Variants in C1QTNF3 observed in about 807,000 individuals in gnomAD.
C1QTNF3 encodes the protein C1q and TNF related 3.
A neutral mutation model predicts 32.6 loss-of-function variants in C1QTNF3; 26 were observed. The observed-to-expected ratio is 0.80, with a 90% confidence interval of 0.58 to 1.11. The LOEUF is 1.11. C1QTNF3 is among the 50% of genes least tolerant of loss of function. The pLI, the probability that C1QTNF3 is intolerant of heterozygous loss-of-function variation, is 0.00. For missense variants in C1QTNF3, 362 were observed against 398.2 expected, an observed-to-expected ratio of 0.91 and a Z score of 0.77; for synonymous variants, 155 against 146.0, an observed-to-expected ratio of 1.06 and a Z score of -0.44.
chr5:34,142,011 G>A, the C1QTNF3 span, among the ~76,000 whole-genome samples: 1 of 152,084 alleles, frequency 6.6e-6, no homozygotes, highest in African/African-American at 2.4e-5. Context: ...GAATAGGTGG[G>A]GATTGATGGG....
intron 4 of C1QTNF3, among the ~76,000 whole-genome samples, chr5:34,025,173 A>G (rs1398786014): frequency 1.3e-5 from 2 of 152,224 alleles, no homozygotes; most frequent in African/African-American, 2.4e-5. Context: ...ATTGGCCCAC[A>G]GAGGAAAAGT....
chr5:34,158,325 T>C, the C1QTNF3 span: 1 of 152,158 alleles, frequency 6.6e-6, no homozygotes, highest in South Asian at 2.1e-4. Context: ...TGGGCTGGTC[T>C]TCAGCTCCTG....
intron 3 of C1QTNF3, among the ~76,000 whole-genome samples, chr5:34,031,295 G>C (rs1754607664): frequency 6.6e-6 from 1 of 152,130 alleles, no homozygotes; most frequent in South Asian, 2.1e-4. Context: ...TGATTGTATT[G>C]TGATTTTAGG....
At chr5:34,228,726 T>C in the C1QTNF3 span, among the ~76,000 whole-genome samples, 2 of 152,076 alleles carry the variant, frequency 1.3e-5, no homozygotes, top group Admixed American at 1.3e-4. Flanking sequence ...TTGTTTGTCA[T>C]ATTTAATCTG....
At chr5:34,186,511 T>A in the C1QTNF3 span, among the ~76,000 whole-genome samples, 9 of 130,628 alleles carry the variant, frequency 6.9e-5, no homozygotes, top group South Asian at 7.3e-4. Context: ...TTTTTTTTTT[T>A]AAAATTAAGA....
the C1QTNF3 span, chr5:34,220,026 A>C: frequency 6.6e-5 from 10 of 152,128 alleles, no homozygotes; most frequent in Non-Finnish European, 2.9e-5. Flanking sequence ...ACTGGTCAGT[A>C]CTTGAAGGAG....
the C1QTNF3 span, among the ~76,000 whole-genome samples, chr5:34,201,207 TACA>T: frequency 1.3e-5 from 2 of 151,586 alleles, no homozygotes; most frequent in African/African-American, 4.8e-5. Context: ...TCTCTTTCAT[TACA>T]GTGTTAGAAA....
the C1QTNF3 span, among the ~76,000 whole-genome samples, chr5:34,213,786 C>CATATATATATATAT: frequency 6.3e-3 from 97 of 15,426 alleles, 8 homozygotes; most frequent in East Asian, 0.045. Flanking sequence ...TGTATATATA[C>CATATATATATATAT]ATATATATAT....
At chr5:34,113,830 A>G in the C1QTNF3 span, among the ~76,000 whole-genome samples, 1 of 152,182 alleles carries the variant, frequency 6.6e-6, no homozygotes, top group Non-Finnish European at 1.5e-5. Flanking sequence ...GTTATAAAAT[A>G]TTTTGGTTGT....
the C1QTNF3 span, among the ~76,000 whole-genome samples, chr5:34,202,936 G>A: frequency 6.6e-6 from 1 of 151,962 alleles, no homozygotes; most frequent in Non-Finnish European, 1.5e-5. Context: ...ATAATACAGA[G>A]TAAATGTGCC....
chr5:34,084,470 T>C, the C1QTNF3 span, among the ~76,000 whole-genome samples: 3 of 151,656 alleles, frequency 2.0e-5, no homozygotes, highest in Admixed American at 6.5e-5. Context: ...AGTAAAGATA[T>C]AGTCTCCCTG....
chr5:34,072,068 T>G, the C1QTNF3 span, among the ~76,000 whole-genome samples: 4 of 152,028 alleles, frequency 2.6e-5, no homozygotes, highest in Non-Finnish European at 5.9e-5. Context: ...AAAGATTGAT[T>G]ATAATTAAAG....
At chr5:34,068,920 C>G in the C1QTNF3 span, among the ~76,000 whole-genome samples, 1 of 151,904 alleles carries the variant, frequency 6.6e-6, no homozygotes, top group Non-Finnish European at 1.5e-5. Context: ...GTATCCCTTG[C>G]CGAACATGTA....
At chr5:34,087,651 C>G in the C1QTNF3 span, among the ~76,000 whole-genome samples, 1 of 138,518 alleles carries the variant, frequency 7.2e-6, no homozygotes, top group Non-Finnish European at 1.5e-5. Context: ...ATGGCTCAAT[C>G]AGCCTTGACC....
At chr5:34,124,938 T>C in the C1QTNF3 span, among the ~76,000 whole-genome samples, 1 of 152,266 alleles carries the variant, frequency 6.6e-6, no homozygotes, top group African/African-American at 2.4e-5. Flanking sequence ...CACTCTCAGG[T>C]TGGCCCTCTC....
the C1QTNF3 span, among the ~76,000 whole-genome samples, chr5:34,162,115 CT>C: frequency 1.3e-5 from 2 of 152,032 alleles, no homozygotes; most frequent in African/African-American, 4.8e-5. Flanking sequence ...ACATTAGGGA[CT>C]TAGTTCATTT....
the C1QTNF3 span, among the ~76,000 whole-genome samples, chr5:34,170,088 T>C: frequency 3.9e-5 from 6 of 152,142 alleles, no homozygotes; most frequent in South Asian, 2.1e-4. Context: ...ATACACACAA[T>C]AGAATATTTT....
At chr5:34,201,076 G>A in the C1QTNF3 span, among the ~76,000 whole-genome samples, 7 of 151,930 alleles carry the variant, frequency 4.6e-5, no homozygotes, top group East Asian at 1.9e-4. Flanking sequence ...GCTAAGCTCC[G>A]TAATGTTGGG....
the C1QTNF3 span, among the ~76,000 whole-genome samples, chr5:34,098,736 T>C: frequency 6.6e-6 from 1 of 152,056 alleles, no homozygotes; most frequent in Admixed American, 6.6e-5. Flanking sequence ...AATAAGGAAC[T>C]AGGGAAATCT....
Sources: gnomAD v4.1 joint callset for allele counts (sites outside exome capture counted in the v4.1 genomes callset) on GRCh38, gnomAD v4.1.1 for gene constraint, MANE v1.5 for transcripts, NCBI Gene and HGNC (gene_info 2026-07-23, HGNC 2026-07-21) for gene names.